Variants in RALGAPA2 observed in about 807,000 individuals in gnomAD.
RALGAPA2 encodes the protein Ral GTPase activating protein catalytic subunit alpha 2.
Under a neutral mutation model 230.4 loss-of-function variants are expected in RALGAPA2, and 139 were observed. The ratio of observed to expected loss-of-function variants is 0.60; its 90% CI spans 0.53 to 0.69. The LOEUF is 0.69. Among genes scored for constraint, RALGAPA2 ranks in the 30% least tolerant of loss-of-function variants. The pLI is 0.00. For missense variants in RALGAPA2, 2,163 were observed against 2,276.0 expected, an observed-to-expected ratio of 0.95 and a Z score of 1.01; for synonymous variants, 847 against 837.8, an observed-to-expected ratio of 1.01 and a Z score of -0.19.
At chr20:20,405,915 C>A (rs1043423189) in intron 38 of RALGAPA2, among the ~76,000 whole-genome samples, 1 of 152,218 alleles carries the variant, frequency 6.6e-6, no homozygotes, top group Non-Finnish European at 1.5e-5. Context: ...AGCCTGATTC[C>A]TTTCTGTCCT....
At chr20:20,600,584 A>T (rs1320553613) in intron 16 of RALGAPA2, among the ~76,000 whole-genome samples, 1 of 152,268 alleles carries the variant, frequency 6.6e-6, no homozygotes, top group Non-Finnish European at 1.5e-5. Context: ...AACCATCTGT[A>T]TTAAGCCTTT....
At chr20:20,708,404 G>A (rs1401370583) in intron 1 of RALGAPA2, among the ~76,000 whole-genome samples, 1 of 152,140 alleles carries the variant, frequency 6.6e-6, no homozygotes, top group African/African-American at 2.4e-5. Context: ...CAAGGGCCGG[G>A]TGGAGATAAT....
In RALGAPA2 at chr20:20,537,256, T is replaced by C. The variant is rs896425845; in HGVS notation, c.3286-472A>G. Among the ~76,000 whole-genome samples, 6 of 152,294 alleles carry C rather than the reference T, an allele frequency of 3.9e-5. No homozygotes were observed. In the South Asian group the frequency reaches 6.2e-4, roughly 16 times the overall value. ...CCAAGAACTGCTTTACGAAAAAATA[T>C]AATGAGATACTATATCACTATATCT... is the stretch of plus-strand genomic sequence containing the variant. On this transcript the variant is annotated intron_variant, in intron 24 of 39. Coordinates refer to ENST00000202677, the MANE Select transcript of RALGAPA2 (RefSeq NM_020343.4).
intron 34 of RALGAPA2, chr20:20,505,153 A>G: frequency 1.0e-6 from 1 of 985,398 alleles, no homozygotes; most frequent in Non-Finnish European, 1.2e-6. Flanking sequence ...TGTCTGGGAG[A>G]GCCCATCTGA....
chr20:20,491,543 AAG>A (rs919438994), intron 36 of RALGAPA2, among the ~76,000 whole-genome samples: 4 of 152,196 alleles, frequency 2.6e-5, no homozygotes, highest in African/African-American at 7.2e-5. Flanking sequence ...CAGATACTGA[AAG>A]AGAGGGAAAG....
intron 24 of RALGAPA2, among the ~76,000 whole-genome samples, chr20:20,546,078 AAAC>A (rs1270784647): frequency 6.6e-6 from 1 of 152,186 alleles, no homozygotes; most frequent in African/African-American, 2.4e-5. Context: ...ATCTCTTGAA[AAAC>A]AACAACAAAA....
chr20:20,669,128 AT>A (rs1191702361), intron 3 of RALGAPA2, among the ~76,000 whole-genome samples: 1 of 152,240 alleles, frequency 6.6e-6, no homozygotes, highest in Non-Finnish European at 1.5e-5. Context: ...ATGCCAGAAC[AT>A]GTTTACGTTT....
chr20:20,624,055 G>A (rs111705693), intron 10 of RALGAPA2, among the ~76,000 whole-genome samples: 1,686 of 152,220 alleles, frequency 0.011, 29 homozygotes, highest in African/African-American at 0.039. Context: ...CGCTGGACGC[G>A]GTAGCTCAGG....
At position 20,392,043 on chromosome 20, in the gene RALGAPA2, C is replaced by T. The variant is rs1457967196; in HGVS notation, c.*1246G>A. On this transcript the variant is annotated 3_prime_UTR_variant, in exon 40 of 40. Transcript: ENST00000202677. The stretch of plus-strand genomic sequence containing the variant: ...TCTGAGGCAGGTCAAGGGTCCAGGA[C>T]ACAGCCTGGGGCCTGCGCCAGCAGC... The T allele has an allele frequency of 2.0e-5, 3 of 152,310 alleles. No homozygotes were observed. The highest frequency in any genetic ancestry group is 7.2e-5 in the African/African-American group (3 of 41,474). 9.4% of individuals were successfully genotyped at this position (152,310 alleles called of 1,614,324 possible).
chr20:20,396,332 G>A (rs1056156104), intron 39 of RALGAPA2, among the ~76,000 whole-genome samples: 1 of 152,270 alleles, frequency 6.6e-6, no homozygotes, highest in African/African-American at 2.4e-5. Context: ...TGTCTTATCG[G>A]CCCATCTCAA....
intron 1 of RALGAPA2, among the ~76,000 whole-genome samples, chr20:20,688,598 T>C (rs773184257): frequency 6.6e-6 from 1 of 152,184 alleles, no homozygotes; most frequent in Non-Finnish European, 1.5e-5. Flanking sequence ...AAGGACACCT[T>C]GCCCAGCTCC....
At chr20:20,424,565 C>T (rs980308461) in intron 37 of RALGAPA2, among the ~76,000 whole-genome samples, 3 of 152,114 alleles carry the variant, frequency 2.0e-5, no homozygotes, top group African/African-American at 4.8e-5. Flanking sequence ...CTAAAGACAT[C>T]ATATGTTAGA....
chr20:20,633,459 G>T (rs2066755910), intron 9 of RALGAPA2, among the ~76,000 whole-genome samples: 1 of 151,132 alleles, frequency 6.6e-6, no homozygotes, highest in Non-Finnish European at 1.5e-5. Flanking sequence ...TCTACCTAAG[G>T]TAGTCTACCA....
rs564120363 is a variant in RALGAPA2, at chr20:20,583,755, A to G, written c.2531-529T>C. 2.2e-4 allele frequency among the ~76,000 whole-genome samples: 34 copies of G among 152,300 alleles called. No homozygotes were observed. The South Asian group carries it at 5.0e-3, about 22-fold the overall frequency. ...AGAACAGAAATTCTCCCCTTTAAACAGTAATAAGTTCTAATTTATCATAAT... is the reference window on the plus strand; with the variant it reads ...AGAACAGAAATTCTCCCCTTTAAACGGTAATAAGTTCTAATTTATCATAAT... On this transcript the variant is annotated intron_variant, in intron 19 of 39. Transcript: ENST00000202677.
intron 23 of RALGAPA2, among the ~76,000 whole-genome samples, chr20:20,565,259 T>C (rs376391362): frequency 3.3e-5 from 5 of 152,240 alleles, no homozygotes; most frequent in African/African-American, 1.2e-4. Context: ...ACCTTAAATA[T>C]ACTTTGAAAT....
intron 37 of RALGAPA2, among the ~76,000 whole-genome samples, chr20:20,463,295 T>C (rs2061344976): frequency 6.6e-6 from 1 of 152,104 alleles, no homozygotes; most frequent in South Asian, 2.1e-4. Flanking sequence ...GAAATAAAAG[T>C]CTTCTTCCAA....
At chr20:20,447,601 C>A (rs972513453) in intron 37 of RALGAPA2, among the ~76,000 whole-genome samples, 3 of 150,382 alleles carry the variant, frequency 2.0e-5, no homozygotes, top group African/African-American at 7.3e-5. Flanking sequence ...CTTTGTAATG[C>A]AAAAAATTAG....
intron 3 of RALGAPA2, among the ~76,000 whole-genome samples, chr20:20,661,542 T>C (rs1408343761): frequency 6.6e-6 from 1 of 152,070 alleles, no homozygotes; most frequent in African/African-American, 2.4e-5. Context: ...GGAATGAAAA[T>C]AGAAAGTGCA....
intron 37 of RALGAPA2, chr20:20,471,161 G>A (rs1353142947): frequency 1.3e-5 from 2 of 152,118 alleles, no homozygotes; most frequent in African/African-American, 4.8e-5. Context: ...ATCCACATTA[G>A]TCCTGATGTG....
Sources: allele counts gnomAD v4.1 joint callset (sites outside exome capture counted in the v4.1 genomes callset), GRCh38; gene constraint gnomAD v4.1.1; transcripts MANE v1.5; gene names NCBI Gene and HGNC (gene_info 2026-07-23, HGNC 2026-07-21).